ARHGAP6: variants seen among roughly 807,000 people sequenced by gnomAD.
ARHGAP6 encodes the protein Rho GTPase activating protein 6.
A neutral mutation model predicts 55.7 loss-of-function variants in ARHGAP6; 16 were observed. That is an observed-to-expected ratio of 0.29 (90% CI 0.19 to 0.44). ARHGAP6 has a LOEUF of 0.44. Among genes scored for constraint, ARHGAP6 ranks in the 20% least tolerant of loss-of-function variants. The probability of loss-of-function intolerance (pLI) is 1.00; values close to 1 mark genes in which losing one functional copy is unlikely to be tolerated. For missense variants in ARHGAP6, 698 were observed against 808.9 expected (o/e 0.86, Z 1.66); for synonymous variants, 382 against 360.9 (o/e 1.06, Z -0.66).
intron 2 of ARHGAP6, among the ~76,000 whole-genome samples, chrX:11,218,978 C>T (rs1452999521): frequency 9.3e-6 from 1 of 107,188 alleles, no homozygotes; most frequent in Non-Finnish European, 1.9e-5. Flanking sequence ...TGCTGGTGCG[C>T]TGCACCCACT....
At chrX:11,652,281 C>T (rs1336222529) in intron 1 of ARHGAP6, among the ~76,000 whole-genome samples, 1 of 111,800 alleles carries the variant, frequency 8.9e-6, no homozygotes, top group African/African-American at 3.3e-5. Context: ...AGTCTTTAAT[C>T]CATCCCAAGT....
intron 1 of ARHGAP6, among the ~76,000 whole-genome samples, chrX:11,591,787 C>T (rs2051838145): frequency 9.0e-6 from 1 of 111,613 alleles, no homozygotes; most frequent in African/African-American, 3.3e-5. Context: ...CTACATATAT[C>T]ATTGAAATGT....
chrX:11,329,444 G>C (rs778829555), intron 1 of ARHGAP6, among the ~76,000 whole-genome samples: 1 of 112,267 alleles, frequency 8.9e-6, no homozygotes, highest in Admixed American at 9.4e-5. Flanking sequence ...CTGACTTTAA[G>C]TAATTAATGA....
intron 1 of ARHGAP6, among the ~76,000 whole-genome samples, chrX:11,331,392 A>G (rs924531231): frequency 1.8e-5 from 2 of 111,893 alleles, no homozygotes; most frequent in Non-Finnish European, 3.8e-5. Flanking sequence ...AAAATGGACA[A>G]CTGTCCATTT....
intron 1 of ARHGAP6, among the ~76,000 whole-genome samples, chrX:11,276,970 T>A (rs2047778107): frequency 9.0e-6 from 1 of 111,596 alleles, no homozygotes; most frequent in Non-Finnish European, 1.9e-5. Flanking sequence ...TGTACAACCA[T>A]CATCACTGAT....
intron 1 of ARHGAP6, among the ~76,000 whole-genome samples, chrX:11,580,121 G>A (rs1312765287): frequency 9.0e-6 from 1 of 111,614 alleles, no homozygotes; most frequent in Non-Finnish European, 1.9e-5. Context: ...GGGTAGGTGA[G>A]GTATCTATGA....
At chrX:11,463,619 G>A (rs2050265774) in intron 1 of ARHGAP6, among the ~76,000 whole-genome samples, 1 of 112,004 alleles carries the variant, frequency 8.9e-6, no homozygotes, top group African/African-American at 3.3e-5. Context: ...GGGATTACAG[G>A]TGTGAGCCAC....
At chrX:11,606,665 T>G (rs186176708) in intron 1 of ARHGAP6, among the ~76,000 whole-genome samples, 143 of 111,838 alleles carry the variant, frequency 1.3e-3, no homozygotes, top group Non-Finnish European at 1.7e-3. Flanking sequence ...CTTATTAGTG[T>G]GAGGATACCA....
chrX:11,214,432 T>G (rs1460803784), intron 2 of ARHGAP6, among the ~76,000 whole-genome samples: 1 of 112,684 alleles, frequency 8.9e-6, no homozygotes, highest in East Asian at 2.8e-4. Flanking sequence ...GAGCCTGGGC[T>G]CCACCCTCAG....
chrX:11,297,016 C>T (rs1011832931), intron 1 of ARHGAP6, among the ~76,000 whole-genome samples: 35 of 111,317 alleles, frequency 3.1e-4, no homozygotes, highest in Admixed American at 9.5e-4. Flanking sequence ...AGCAGCCTCC[C>T]GCCTGGCCAC....
At chrX:11,406,485 C>A (rs768942346) in intron 1 of ARHGAP6, among the ~76,000 whole-genome samples, 5 of 111,404 alleles carry the variant, frequency 4.5e-5, no homozygotes, top group Non-Finnish European at 9.4e-5. Context: ...CACACACACA[C>A]CCCACACACA....
chrX:11,634,863 C>G (rs2052400982), intron 1 of ARHGAP6, among the ~76,000 whole-genome samples: 1 of 112,082 alleles, frequency 8.9e-6, no homozygotes, highest in Non-Finnish European at 1.9e-5. Context: ...CACAGCTTAG[C>G]TGAGTCCTCT....
At chrX:11,544,743 A>G (rs1465805663) in intron 1 of ARHGAP6, among the ~76,000 whole-genome samples, 1 of 111,776 alleles carries the variant, frequency 8.9e-6, no homozygotes. Context: ...GAATAAATTG[A>G]CTCTCCATCA....
chrX:11,161,577 C>T (rs753452559), intron 9 of ARHGAP6, among the ~76,000 whole-genome samples: 4 of 108,473 alleles, frequency 3.7e-5, no homozygotes, highest in South Asian at 4.0e-4. Context: ...GGGGGTGTTA[C>T]GGGAATCAAA....
intron 9 of ARHGAP6, among the ~76,000 whole-genome samples, chrX:11,165,701 G>A (rs910984735): frequency 9.0e-6 from 1 of 111,645 alleles, no homozygotes; most frequent in Non-Finnish European, 1.9e-5. Context: ...AATTTTGGTA[G>A]CTCATTCCAA....
chrX:11,415,592 G>GC (rs1393983224), intron 1 of ARHGAP6, among the ~76,000 whole-genome samples: 4 of 112,069 alleles, frequency 3.6e-5, no homozygotes. Context: ...CCTTACCACA[G>GC]CCCCATCATG....
intron 1 of ARHGAP6, chrX:11,265,805 AAT>A (rs1396841428): frequency 8.6e-6 from 8 of 927,172 alleles, no homozygotes; most frequent in Non-Finnish European, 9.4e-6. Flanking sequence ...TGCATCCTGA[AAT>A]GGCAGATCAT....
intron 1 of ARHGAP6, chrX:11,294,821 G>A: frequency 8.3e-7 from 1 of 1,211,767 alleles, no homozygotes; most frequent in Non-Finnish European, 1.1e-6. Flanking sequence ...CCTGCCTCCT[G>A]GGAGCAGCTT....
chrX:11,531,919 A>G (rs2051053577), intron 1 of ARHGAP6, among the ~76,000 whole-genome samples: 1 of 112,443 alleles, frequency 8.9e-6, no homozygotes, highest in Non-Finnish European at 1.9e-5. Flanking sequence ...AGTATTAAAA[A>G]TTCTGAAGCT....
Sources: gnomAD v4.1 joint callset for allele counts (sites outside exome capture counted in the v4.1 genomes callset) on GRCh38, gnomAD v4.1.1 for gene constraint, MANE v1.5 for transcripts, NCBI Gene and HGNC (gene_info 2026-07-23, HGNC 2026-07-21) for gene names.